The following ARHGEF4 variants were observed in gnomAD, a reference collection of about 807,000 sequenced individuals.
ARHGEF4 encodes the protein Rho guanine nucleotide exchange factor 4, also known as APC-stimulated guanine nucleotide exchange factor 1.
ARHGEF4 carries 119 observed loss-of-function variants against 162.0 expected under a neutral mutation model. The ratio of observed to expected loss-of-function variants is 0.73; its 90% CI spans 0.63 to 0.86. ARHGEF4 has a LOEUF of 0.86. ARHGEF4 is among the 40% of genes least tolerant of loss of function. The pLI is 0.00. For missense variants in ARHGEF4, 2,488 were observed against 2,456.0 expected, an observed-to-expected ratio of 1.01 and a Z score of -0.28; for synonymous variants, 1,014 against 979.9, an observed-to-expected ratio of 1.03 and a Z score of -0.65.
At chr2:130,989,616 G>A (rs1271590325) in intron 4 of ARHGEF4, among the ~76,000 whole-genome samples, 6 of 152,192 alleles carry the variant, frequency 3.9e-5, no homozygotes, top group African/African-American at 1.4e-4. Context: ...AGATCAATTT[G>A]TAACATTTTA....
chr2:130,883,242 G>A (rs1187986223), intron 1 of ARHGEF4, among the ~76,000 whole-genome samples: 2 of 152,082 alleles, frequency 1.3e-5, no homozygotes, highest in African/African-American at 2.4e-5. Flanking sequence ...TTAAGAGGGT[G>A]GCCAGTGGGC....
chr2:130,901,875 C>G (rs1182047914), intron 1 of ARHGEF4, among the ~76,000 whole-genome samples: 1 of 152,188 alleles, frequency 6.6e-6, no homozygotes, highest in Admixed American at 6.5e-5. Context: ...AGCCAACGGT[C>G]TCCCTGTCCT....
chr2:131,047,118 G>GC lies in ARHGEF4; in HGVS notation c.*931dup, dbSNP rs1479232436. ...ATGGCGCCCTGTCCTGCCAAGGGGC[G>GC]CCAGGAGCAGAGCCAGGGCCTGGCG... On this transcript the variant is annotated 3_prime_UTR_variant, in exon 14 of 14. Transcript: ENST00000409359. 1.3e-5 allele frequency: 2 copies of GC among 152,464 alleles called. No individual in the cohort carries two copies. Among genetic ancestry groups the GC allele is most frequent in the African/African-American group, 2.4e-5 (1 of 41,462 alleles). 9.4% of individuals were successfully genotyped at this position (152,464 alleles called of 1,614,324 possible).
intron 1 of ARHGEF4, among the ~76,000 whole-genome samples, chr2:130,893,670 C>T (rs914775986): frequency 1.3e-5 from 2 of 152,166 alleles, no homozygotes; most frequent in African/African-American, 4.8e-5. Flanking sequence ...ACTTTGCCTT[C>T]AGGACAGTCC....
At chr2:130,838,992 T>C (rs1430580194) in intron 1 of ARHGEF4, among the ~76,000 whole-genome samples, 1 of 150,458 alleles carries the variant, frequency 6.6e-6, no homozygotes, top group Non-Finnish European at 1.5e-5. Flanking sequence ...CAGAGAGGCC[T>C]TTCCATACTT....
chr2:131,004,907 A>G (rs1474868675), intron 4 of ARHGEF4, among the ~76,000 whole-genome samples: 1 of 152,094 alleles, frequency 6.6e-6, no homozygotes, highest in Non-Finnish European at 1.5e-5. Flanking sequence ...TCCCTCCTCC[A>G]AAGTTTGGTT....
At chr2:130,918,517 G>T (rs1430118538) in intron 2 of ARHGEF4, among the ~76,000 whole-genome samples, 1 of 152,218 alleles carries the variant, frequency 6.6e-6, no homozygotes, top group Admixed American at 6.5e-5. Flanking sequence ...GCCGGGGAGC[G>T]CAGGCCACAG....
At chr2:130,872,542 A>G (rs1678558762) in intron 1 of ARHGEF4, among the ~76,000 whole-genome samples, 1 of 152,054 alleles carries the variant, frequency 6.6e-6, no homozygotes, top group Non-Finnish European at 1.5e-5. Flanking sequence ...AATCACGCCA[A>G]TTGTGTGTCC....
At chr2:130,903,646 C>G (rs1254699987) in intron 1 of ARHGEF4, among the ~76,000 whole-genome samples, 1 of 152,080 alleles carries the variant, frequency 6.6e-6, no homozygotes, top group African/African-American at 2.4e-5. Flanking sequence ...ATTCTCTTGC[C>G]CAAGTAGTGA....
intron 4 of ARHGEF4, among the ~76,000 whole-genome samples, chr2:130,961,537 C>T (rs1399414635): frequency 1.3e-5 from 2 of 152,140 alleles, no homozygotes; most frequent in East Asian, 3.9e-4. Context: ...TCAGGCAGAA[C>T]ATGCAGCATC....
chr2:130,863,057 T>TA (rs1682040577), intron 1 of ARHGEF4, among the ~76,000 whole-genome samples: 2 of 9,126 alleles, frequency 2.2e-4, no homozygotes, highest in Non-Finnish European at 1.5e-4. Context: ...AGACTCCAAC[T>TA]CAAAAAAAAA....
At chr2:130,864,568 C>CA (rs1170922324) in intron 1 of ARHGEF4, among the ~76,000 whole-genome samples, 2 of 152,072 alleles carry the variant, frequency 1.3e-5, no homozygotes, top group Non-Finnish European at 2.9e-5. Flanking sequence ...TACTGAAATA[C>CA]AAAAAATTAG....
intron 4 of ARHGEF4, chr2:131,011,707 G>A: frequency 1.4e-6 from 2 of 1,467,192 alleles, no homozygotes; most frequent in South Asian, 2.4e-5. Context: ...GAGGCCAGAT[G>A]GGCAGCAAGC....
intron 1 of ARHGEF4, among the ~76,000 whole-genome samples, chr2:130,845,812 A>G (rs1255198757): frequency 6.6e-6 from 1 of 152,222 alleles, no homozygotes; most frequent in Non-Finnish European, 1.5e-5. Flanking sequence ...ATCAGGCCGG[A>G]TGGGCCTCCA....
intron 4 of ARHGEF4, among the ~76,000 whole-genome samples, chr2:131,013,880 C>T (rs1250767479): frequency 2.0e-5 from 3 of 152,168 alleles, no homozygotes; most frequent in Non-Finnish European, 2.9e-5. Context: ...AGATTACAGG[C>T]GTGAGCCACC....
At chr2:130,889,585 G>A (rs868468238) in intron 1 of ARHGEF4, among the ~76,000 whole-genome samples, 8 of 151,848 alleles carry the variant, frequency 5.3e-5, no homozygotes, top group African/African-American at 1.9e-4. Flanking sequence ...GGCCAAGGCA[G>A]GTGAATCATG....
intron 4 of ARHGEF4, among the ~76,000 whole-genome samples, chr2:131,002,344 G>A (rs533541950): frequency 1.8e-4 from 28 of 152,202 alleles, no homozygotes; most frequent in South Asian, 6.2e-4. Flanking sequence ...TTGGGAGGCC[G>A]AGGCAGGCAG....
chr2:130,992,543 G>A (rs1304320684), intron 4 of ARHGEF4, among the ~76,000 whole-genome samples: 2 of 151,758 alleles, frequency 1.3e-5, no homozygotes, highest in Admixed American at 6.6e-5. Context: ...ACCACGAACC[G>A]GGCGGGAACA....
At chr2:131,045,253 G>A (rs1691147179) in intron 12 of ARHGEF4, 116 bp from the exon 13 acceptor site, 2 of 1,007,004 alleles carry the variant, frequency 2.0e-6, no homozygotes, top group Non-Finnish European at 3.0e-6. Context: ...GCTGTGGCCA[G>A]TACTGAGTCC....
Sources: gnomAD v4.1 joint callset for allele counts (sites outside exome capture counted in the v4.1 genomes callset) on GRCh38, gnomAD v4.1.1 for gene constraint, MANE v1.5 for transcripts, NCBI Gene and HGNC (gene_info 2026-07-23, HGNC 2026-07-21) for gene names.